ARHGAP10: variants seen among roughly 807,000 people sequenced by gnomAD.
ARHGAP10 encodes Rho GTPase activating protein 10.
In ARHGAP10, 87 loss-of-function variants were observed where a neutral mutation model predicts 108.6. The ratio of observed to expected loss-of-function variants is 0.80; its 90% CI spans 0.67 to 0.96. The LOEUF (loss-of-function observed/expected upper bound fraction) is 0.96, where lower values mean the gene tolerates loss of function less well. ARHGAP10 is among the 40% of genes least tolerant of loss of function. The pLI is 0.00. For missense variants in ARHGAP10, 939 were observed against 954.5 expected (o/e 0.98, Z 0.21); for synonymous variants, 347 against 341.1 (o/e 1.02, Z -0.19).
At position 147,913,096 on chromosome 4, in the gene ARHGAP10, G is replaced by T. The variant is rs1261549651; in HGVS notation, c.1185G>T (p.Gly395=). 1 of 1,613,812 alleles carries T rather than the reference G, an allele frequency of 6.2e-7. No individual in the cohort carries two copies. Residue 395 remains glycine, a synonymous_variant, in exon 13 of 23, where the codon GGG becomes GGT. Coordinates refer to ENST00000336498, the MANE Select transcript of ARHGAP10 (RefSeq NM_024605.4). ...TAGATGCACAGTTGGATAAGATGGG[G>T]TTCACAATTATCAGAAAATGCATCA... ...PEGNAQLDKM[G]FTIIRKCISA... is the part of the protein sequence containing the mutation.
At chr4:147,886,922 C>T (rs2126879928) in intron 10 of ARHGAP10, among the ~76,000 whole-genome samples, 1 of 152,170 alleles carries the variant, frequency 6.6e-6, no homozygotes, top group South Asian at 2.1e-4. Flanking sequence ...AAGTGTGTGC[C>T]ACTATACCTG....
At chr4:148,009,983 C>G (rs1201986337) in intron 18 of ARHGAP10, among the ~76,000 whole-genome samples, 14 of 152,024 alleles carry the variant, frequency 9.2e-5, no homozygotes, top group African/African-American at 2.4e-4. Flanking sequence ...ACCTTGATTC[C>G]CAAACATTTT....
intron 1 of ARHGAP10, among the ~76,000 whole-genome samples, chr4:147,756,497 C>T (rs1729377286): frequency 6.6e-6 from 1 of 152,188 alleles, no homozygotes; most frequent in Non-Finnish European, 1.5e-5. Context: ...TCCGTGGTTT[C>T]AGTTACCCAT....
chr4:147,812,993 C>T (rs1012541413), intron 1 of ARHGAP10, among the ~76,000 whole-genome samples: 5 of 152,158 alleles, frequency 3.3e-5, no homozygotes, highest in African/African-American at 1.2e-4. Context: ...CTTGGAAGCA[C>T]TGGTGTGAAA....
intron 18 of ARHGAP10, among the ~76,000 whole-genome samples, chr4:147,968,790 A>G (rs917233933): frequency 1.5e-4 from 23 of 152,190 alleles, no homozygotes; most frequent in African/African-American, 5.3e-4. Context: ...TGTTTATTAA[A>G]AAGATTTTTT....
intron 18 of ARHGAP10, among the ~76,000 whole-genome samples, chr4:147,984,863 T>C (rs1739970258): frequency 6.6e-6 from 1 of 152,120 alleles, no homozygotes; most frequent in South Asian, 2.1e-4. Context: ...TGCACAGTGG[T>C]CTGAGCGCCC....
In ARHGAP10 at chr4:147,864,875, A is replaced by G. The variant is rs769080340; in HGVS notation, c.516A>G (p.Gln172=). ...ATATCCAAGTAGAGCAGAACCGGCAACACTTCTATGAACTGTCTCTCGAGT... is the reference window on the plus strand; with the variant it reads ...ATATCCAAGTAGAGCAGAACCGGCAGCACTTCTATGAACTGTCTCTCGAGT... ...EADIQVEQNR[Q]HFYELSLEYV... Residue 172 remains glutamine (Q), a synonymous_variant, in exon 6 of 23, where the codon CAA becomes CAG. Transcript: ENST00000336498. 6.8e-6 allele frequency: 11 copies of G among 1,614,058 alleles called. No homozygotes were observed. The highest frequency in any genetic ancestry group is 8.5e-6 in the Non-Finnish European group (10 of 1,179,990).
Position 147,875,011 on chromosome 4 carries a change from T to C in ARHGAP10, c.703-10T>C. On this transcript the variant is annotated splice_polypyrimidine_tract_variant and intron_variant, in intron 7 of 22. Coordinates refer to ENST00000336498, the MANE Select transcript of ARHGAP10 (RefSeq NM_024605.4). ...CTTAACATTTATGTGTGTTTTTTAA[T>C]CCATTTCAGACACGGAATCGATTTG... 2 of 1,568,702 alleles carry C rather than the reference T, an allele frequency of 1.3e-6. No individual in the cohort carries two copies. Among genetic ancestry groups the C allele is most frequent in the Non-Finnish European group, 8.6e-7 (1 of 1,164,986 alleles).
At chr4:148,052,057 G>A (rs1729161211) in intron 20 of ARHGAP10, among the ~76,000 whole-genome samples, 1 of 152,074 alleles carries the variant, frequency 6.6e-6, no homozygotes. Context: ...TATGATTTGT[G>A]GCTTAGTACA....
chr4:147,999,028 C>T (rs978580862), intron 18 of ARHGAP10, among the ~76,000 whole-genome samples: 2 of 152,090 alleles, frequency 1.3e-5, no homozygotes, highest in Non-Finnish European at 2.9e-5. Context: ...ATAGAGAGCC[C>T]TGGAAAACAA....
At chr4:147,768,829 C>T (rs1729946670) in intron 1 of ARHGAP10, among the ~76,000 whole-genome samples, 1 of 151,512 alleles carries the variant, frequency 6.6e-6, no homozygotes, top group Admixed American at 6.6e-5. Flanking sequence ...GCCTCCGCCT[C>T]CTGGGTTCAA....
At chr4:147,828,914 G>A (rs1464744938) in intron 3 of ARHGAP10, among the ~76,000 whole-genome samples, 1 of 141,294 alleles carries the variant, frequency 7.1e-6, no homozygotes, top group Non-Finnish European at 1.5e-5. Flanking sequence ...TTTCGTTCTT[G>A]TTGCCCAGGC....
intron 10 of ARHGAP10, among the ~76,000 whole-genome samples, chr4:147,898,094 G>A (rs1251460548): frequency 2.6e-5 from 4 of 151,926 alleles, no homozygotes; most frequent in East Asian, 1.9e-4. Context: ...TAACACTAAC[G>A]TATTTGTCCT....
chr4:147,857,495 G>T, intron 4 of ARHGAP10, 58 bp from the exon 5 acceptor site: 1 of 1,356,626 alleles, frequency 7.4e-7, no homozygotes. Context: ...CTTCCCAGTG[G>T]ATTAACCATG....
At chr4:147,849,553 T>C (rs1485153588) in intron 4 of ARHGAP10, among the ~76,000 whole-genome samples, 1 of 152,218 alleles carries the variant, frequency 6.6e-6, no homozygotes, top group Non-Finnish European at 1.5e-5. Context: ...CTCTAAAAGT[T>C]GACCACATCA....
intron 19 of ARHGAP10, among the ~76,000 whole-genome samples, chr4:148,034,283 C>T (rs1728275794): frequency 6.6e-6 from 1 of 152,028 alleles, no homozygotes; most frequent in South Asian, 2.1e-4. Context: ...AACATTATAC[C>T]TAAGTTTGTT....
chr4:147,954,957 T>C (rs1738733725), intron 15 of ARHGAP10, among the ~76,000 whole-genome samples: 1 of 152,116 alleles, frequency 6.6e-6, no homozygotes. Flanking sequence ...GTTTCAAAAT[T>C]GTTTGCTTAC....
chr4:147,868,213 T>C (rs1443207247), intron 7 of ARHGAP10, among the ~76,000 whole-genome samples: 1 of 151,878 alleles, frequency 6.6e-6, no homozygotes, highest in Non-Finnish European at 1.5e-5. Flanking sequence ...GGTAGTAGAA[T>C]ATTGAGTCTA....
chr4:147,964,134 T>C (rs1396367346), intron 16 of ARHGAP10, among the ~76,000 whole-genome samples: 3 of 152,286 alleles, frequency 2.0e-5, no homozygotes, highest in Non-Finnish European at 2.9e-5. Context: ...GCTTTTCACA[T>C]GGAACTCTCC....
Sources: gnomAD v4.1 joint callset for allele counts (sites outside exome capture counted in the v4.1 genomes callset) on GRCh38, gnomAD v4.1.1 for gene constraint, MANE v1.5 for transcripts, NCBI Gene and HGNC (gene_info 2026-07-23, HGNC 2026-07-21) for gene names.